Variants in HCN1 observed in about 807,000 individuals in gnomAD.
HCN1 encodes the protein hyperpolarization activated cyclic nucleotide gated potassium channel 1.
A neutral mutation model predicts 78.9 loss-of-function variants in HCN1; 13 were observed. That is an observed-to-expected ratio of 0.16 (90% CI 0.11 to 0.26). The LOEUF (loss-of-function observed/expected upper bound fraction) is 0.26. Among genes scored for constraint, HCN1 ranks in the 10% least tolerant of loss-of-function variants. The pLI is 1.00. For synonymous variants in HCN1, 552 were observed against 455.5 expected, an observed-to-expected ratio of 1.21 and a Z score of -2.70; for missense variants, 810 against 1,154.3, an observed-to-expected ratio of 0.70 and a Z score of 4.32.
At chr5:45,593,433 C>A (rs2111949601) in intron 2 of HCN1, among the ~76,000 whole-genome samples, 1 of 151,372 alleles carries the variant, frequency 6.6e-6, no homozygotes, top group East Asian at 2.0e-4. Context: ...CAAATTGTAA[C>A]CTCTTATCCC....
intron 3 of HCN1, among the ~76,000 whole-genome samples, chr5:45,405,827 TA>T (rs1739907674): frequency 1.3e-5 from 2 of 152,198 alleles, no homozygotes; most frequent in South Asian, 4.1e-4. Flanking sequence ...AAGTATTGCA[TA>T]ACTAAATTGC....
intron 4 of HCN1, among the ~76,000 whole-genome samples, chr5:45,369,427 C>G (rs1323838740): frequency 6.6e-6 from 1 of 151,998 alleles, no homozygotes; most frequent in Non-Finnish European, 1.5e-5. Context: ...AGATGGAAAG[C>G]CAAAATATTT....
At chr5:45,265,334 A>G (rs993767992) in intron 7 of HCN1, among the ~76,000 whole-genome samples, 15 of 152,222 alleles carry the variant, frequency 9.9e-5, no homozygotes, top group African/African-American at 3.6e-4. Context: ...TTGCTTAGAA[A>G]TTAGTCTCTG....
intron 2 of HCN1, among the ~76,000 whole-genome samples, chr5:45,556,889 T>A (rs563311269): frequency 2.0e-5 from 3 of 151,988 alleles, no homozygotes; most frequent in Non-Finnish European, 4.4e-5. Flanking sequence ...AAGATGGAGT[T>A]CATCTTTTGG....
chr5:45,544,467 T>G (rs1743167458), intron 2 of HCN1, among the ~76,000 whole-genome samples: 1 of 152,076 alleles, frequency 6.6e-6, no homozygotes, highest in African/African-American at 2.4e-5. Flanking sequence ...AATTATACTT[T>G]AAGTTCTAGG....
chr5:45,361,140 G>A (rs984528797), intron 4 of HCN1, among the ~76,000 whole-genome samples: 3 of 152,166 alleles, frequency 2.0e-5, no homozygotes, highest in African/African-American at 2.4e-5. Flanking sequence ...TGCCTCCAGG[G>A]TTCTAGCGAT....
intron 2 of HCN1, among the ~76,000 whole-genome samples, chr5:45,551,425 G>A (rs1042763502): frequency 1.3e-5 from 2 of 150,938 alleles, no homozygotes; most frequent in Non-Finnish European, 3.0e-5. Context: ...AAGAGTTTAA[G>A]TTTCTAGACA....
intron 2 of HCN1, among the ~76,000 whole-genome samples, chr5:45,493,344 C>A (rs1741937089): frequency 6.6e-6 from 1 of 151,892 alleles, no homozygotes; most frequent in Non-Finnish European, 1.5e-5. Context: ...TTATCTTATA[C>A]TCTAACAAAA....
At position 45,564,430 on chromosome 5, in the gene HCN1, G is replaced by T. The variant is rs549411094; in HGVS notation, c.849+80755C>A. On this transcript the variant is annotated intron_variant, in intron 2 of 7. Transcript: ENST00000303230. ...GCCTGACTAATTTAGTAGAAACGGG[G>T]TTTCACTGTGTTAACCAGGATGGTC... is the stretch of plus-strand genomic sequence containing the variant. Among the ~76,000 whole-genome samples, 3 of 152,082 alleles carry T rather than the reference G, an allele frequency of 2.0e-5. No individual in the cohort carries two copies. In the South Asian group the frequency reaches 6.2e-4, roughly 32 times the overall value.
chr5:45,327,213 T>C (rs145480710), intron 5 of HCN1, among the ~76,000 whole-genome samples: 362 of 151,758 alleles, frequency 2.4e-3, no homozygotes, highest in African/African-American at 8.2e-3. Context: ...AAAAAAGCGA[T>C]TGATTTTTAA....
At chr5:45,429,989 C>T (rs1031383627) in intron 3 of HCN1, among the ~76,000 whole-genome samples, 10 of 151,112 alleles carry the variant, frequency 6.6e-5, no homozygotes, top group East Asian at 1.9e-4. Flanking sequence ...GATAATGTTC[C>T]GTAAGCAGTA....
intron 3 of HCN1, among the ~76,000 whole-genome samples, chr5:45,445,258 T>C (rs956326013): frequency 1.3e-5 from 2 of 152,154 alleles, no homozygotes; most frequent in African/African-American, 4.8e-5. Flanking sequence ...CGGAGGGTCC[T>C]ACGCCCAGGT....
intron 2 of HCN1, among the ~76,000 whole-genome samples, chr5:45,597,716 C>T (rs994587506): frequency 6.6e-6 from 1 of 152,158 alleles, no homozygotes; most frequent in South Asian, 2.1e-4. Flanking sequence ...GCAACTTCAG[C>T]GAAGTCTCAG....
At chr5:45,530,458 GGTGCTTTTTTGA>G (rs1380081192) in intron 2 of HCN1, among the ~76,000 whole-genome samples, 5 of 149,326 alleles carry the variant, frequency 3.3e-5, no homozygotes, top group African/African-American at 1.2e-4. Context: ...TAAAATAAAG[GGTGCTTTTTTGA>G]GTGGCAAAAC....
intron 5 of HCN1, among the ~76,000 whole-genome samples, chr5:45,310,097 T>C (rs890441249): frequency 6.6e-6 from 1 of 152,022 alleles, no homozygotes; most frequent in African/African-American, 2.4e-5. Context: ...ATTCAGGACA[T>C]AAACACGAGC....
chr5:45,411,853 G>T (rs1248731281), intron 3 of HCN1, among the ~76,000 whole-genome samples: 1 of 152,022 alleles, frequency 6.6e-6, no homozygotes, highest in Non-Finnish European at 1.5e-5. Context: ...AGTACTTTGG[G>T]TATGAAGCAC....
At chr5:45,344,303 A>C (rs1746651518) in intron 5 of HCN1, among the ~76,000 whole-genome samples, 1 of 152,142 alleles carries the variant, frequency 6.6e-6, no homozygotes, top group South Asian at 2.1e-4. Flanking sequence ...CTACAATTCA[A>C]GATGAGATTT....
intron 2 of HCN1, among the ~76,000 whole-genome samples, chr5:45,526,844 T>G (rs1668285897): frequency 6.6e-6 from 1 of 152,046 alleles, no homozygotes; most frequent in South Asian, 2.1e-4. Context: ...GCTACCATGC[T>G]CAGCCACAGA....
At chr5:45,683,940 G>A (rs1160571666) in intron 1 of HCN1, among the ~76,000 whole-genome samples, 1 of 151,784 alleles carries the variant, frequency 6.6e-6, no homozygotes, top group East Asian at 1.9e-4. Context: ...CAAAGTGCTA[G>A]GATTACAGGC....
Sources: allele counts gnomAD v4.1 joint callset (sites outside exome capture counted in the v4.1 genomes callset), GRCh38; gene constraint gnomAD v4.1.1; transcripts MANE v1.5; gene names NCBI Gene and HGNC (gene_info 2026-07-23, HGNC 2026-07-21).